The following SETD3 variants were observed in gnomAD, a reference collection of about 807,000 sequenced individuals.
SETD3 encodes the protein actin-histidine N-methyltransferase.
In SETD3, 19 loss-of-function variants were observed where a neutral mutation model predicts 63.0. The ratio of observed to expected loss-of-function variants is 0.30; its 90% confidence interval spans 0.21 to 0.44. The LOEUF (loss-of-function observed/expected upper bound fraction) is 0.44, where lower values mean the gene tolerates loss of function less well. Ranked by LOEUF, SETD3 falls within the 20% of genes least tolerant of loss-of-function variation. The pLI is 1.00. For missense variants in SETD3, 587 were observed against 728.5 expected, an observed-to-expected ratio of 0.81 and a Z score of 2.24; for synonymous variants, 286 against 264.1, an observed-to-expected ratio of 1.08 and a Z score of -0.80.
intron 4 of SETD3, among the ~76,000 whole-genome samples, chr14:99,460,694 G>A (rs1169903401): frequency 6.6e-6 from 1 of 152,118 alleles, no homozygotes; most frequent in Non-Finnish European, 1.5e-5. Context: ...AACCAAGAGG[G>A]GAGAAAAAGC....
chr14:99,418,602 T>C (rs1037496984), intron 6 of SETD3, among the ~76,000 whole-genome samples: 9 of 152,192 alleles, frequency 5.9e-5, no homozygotes, highest in Admixed American at 1.3e-4. Context: ...CTAGGCCCAC[T>C]GTGGATCCAT....
At chr14:99,444,415 C>T (rs1894011710) in intron 6 of SETD3, 1 of 152,124 alleles carries the variant, frequency 6.6e-6, no homozygotes, top group Non-Finnish European at 1.5e-5. Flanking sequence ...ATATTTTTGT[C>T]CTATGGCACT....
chr14:99,424,290 G>T (rs1595178917), intron 6 of SETD3, among the ~76,000 whole-genome samples: 1 of 152,176 alleles, frequency 6.6e-6, no homozygotes, highest in Non-Finnish European at 1.5e-5. Flanking sequence ...TACATTCGGG[G>T]GACAGGAATG....
intron 6 of SETD3, among the ~76,000 whole-genome samples, chr14:99,431,976 T>G (rs1483439660): frequency 2.6e-5 from 4 of 152,146 alleles, no homozygotes; most frequent in African/African-American, 9.7e-5. Context: ...CAGAGAAGTT[T>G]TCATAACACC....
At chr14:99,463,255 A>G (rs187969039) in intron 3 of SETD3, among the ~76,000 whole-genome samples, 168 of 152,336 alleles carry the variant, frequency 1.1e-3, no homozygotes, top group Middle Eastern at 6.8e-3. Flanking sequence ...AGATACAAAC[A>G]TTTTATTCTC....
chr14:99,457,761 A>C (rs1224083018), intron 6 of SETD3, among the ~76,000 whole-genome samples: 1 of 152,252 alleles, frequency 6.6e-6, no homozygotes, highest in African/African-American at 2.4e-5. Flanking sequence ...GTGTCATCAC[A>C]GGTAATTCAA....
At chr14:99,406,405 G>A in intron 9 of SETD3, 111 bp downstream of exon 9, 3 of 940,394 alleles carry the variant, frequency 3.2e-6, no homozygotes, top group Non-Finnish European at 5.1e-6. Flanking sequence ...TCCTCAATGT[G>A]AATTCCACAT....
chr14:99,429,957 T>A (rs1893082029), intron 6 of SETD3, among the ~76,000 whole-genome samples: 2 of 152,190 alleles, frequency 1.3e-5, no homozygotes, highest in Non-Finnish European at 2.9e-5. Flanking sequence ...TGGTAAGATA[T>A]TCTGGAGTGG....
intron 6 of SETD3, among the ~76,000 whole-genome samples, chr14:99,420,772 A>G (rs1194331160): frequency 6.6e-6 from 1 of 152,062 alleles, no homozygotes; most frequent in Non-Finnish European, 1.5e-5. Context: ...ACACAGATCA[A>G]GCCCACCAGT....
At chr14:99,453,794 C>A (rs867326786) in intron 6 of SETD3, among the ~76,000 whole-genome samples, 5 of 152,032 alleles carry the variant, frequency 3.3e-5, no homozygotes, top group Admixed American at 1.3e-4. Context: ...CCACCGCACT[C>A]CACCCTAGGT....
chr14:99,479,374 C>T (rs1896139868), intron 1 of SETD3, among the ~76,000 whole-genome samples: 1 of 152,222 alleles, frequency 6.6e-6, no homozygotes, highest in South Asian at 2.1e-4. Context: ...TGGGACTAAT[C>T]CAGTACTGCT....
At chr14:99,447,996 A>C (rs1395149947) in intron 6 of SETD3, among the ~76,000 whole-genome samples, 1 of 152,108 alleles carries the variant, frequency 6.6e-6, no homozygotes, top group Non-Finnish European at 1.5e-5. Flanking sequence ...GAGAGAGGAG[A>C]TTTTAAACAA....
chr14:99,441,965 A>T (rs1893844606), intron 6 of SETD3, among the ~76,000 whole-genome samples: 1 of 152,190 alleles, frequency 6.6e-6, no homozygotes, highest in Non-Finnish European at 1.5e-5. Flanking sequence ...ATCTAAAGTG[A>T]GAGAAATCAT....
chr14:99,415,513 T>C lies in SETD3; in HGVS notation c.676-1579A>G, dbSNP rs995532848. On this transcript the variant is annotated intron_variant, in intron 6 of 12. Coordinates refer to ENST00000331768, the MANE Select transcript of SETD3 (RefSeq NM_032233.3). Reference sequence around the variant, plus strand: ...CTCCATCAAGAGATGGAAAATTAACTCTTCAAAATGTTTCTCTTCCTGCTA... The same window carrying C: ...CTCCATCAAGAGATGGAAAATTAACCCTTCAAAATGTTTCTCTTCCTGCTA... Among the ~76,000 whole-genome samples the C allele has an allele frequency of 3.3e-5, 5 of 152,228 alleles. 1 individual carries two copies. In the Middle Eastern group the frequency reaches 0.014, roughly 414 times the overall value.
chr14:99,438,024 G>A (rs889744199), intron 6 of SETD3, among the ~76,000 whole-genome samples: 28 of 152,194 alleles, frequency 1.8e-4, no homozygotes, highest in Admixed American at 1.1e-3. Context: ...CTTCAAAGCC[G>A]ATGGCAGCAT....
At chr14:99,450,115 T>G (rs1346641258) in intron 6 of SETD3, among the ~76,000 whole-genome samples, 1 of 152,178 alleles carries the variant, frequency 6.6e-6, no homozygotes, top group Non-Finnish European at 1.5e-5. Context: ...ATAAAGCATA[T>G]GTGTATTTTC....
chr14:99,445,409 T>G (rs1447491555), intron 6 of SETD3, among the ~76,000 whole-genome samples: 1 of 152,260 alleles, frequency 6.6e-6, no homozygotes, highest in Non-Finnish European at 1.5e-5. Flanking sequence ...AAGTCACAAC[T>G]GTGCTTCCAC....
chr14:99,422,466 G>A (rs1892641561), intron 6 of SETD3, among the ~76,000 whole-genome samples: 1 of 152,158 alleles, frequency 6.6e-6, no homozygotes, highest in Admixed American at 6.5e-5. Context: ...TAAACATTCT[G>A]CTTTTAAGCC....
At chr14:99,442,141 C>T (rs984551653) in intron 6 of SETD3, among the ~76,000 whole-genome samples, 7 of 152,160 alleles carry the variant, frequency 4.6e-5, no homozygotes, top group African/African-American at 1.7e-4. Flanking sequence ...CTCAATCAGC[C>T]CCAACCTAGC....
Sources: allele counts gnomAD v4.1 joint callset (sites outside exome capture counted in the v4.1 genomes callset), GRCh38; gene constraint gnomAD v4.1.1; transcripts MANE v1.5; gene names NCBI Gene and HGNC (gene_info 2026-07-23, HGNC 2026-07-21).